The following FAM193A variants were observed in gnomAD, a reference collection of about 807,000 sequenced individuals.
FAM193A encodes family with sequence similarity 193 member A, also known as protein FAM193A.
A neutral mutation model predicts 126.5 loss-of-function variants in FAM193A; 22 were observed. That is an observed-to-expected ratio of 0.17 (90% confidence interval 0.12 to 0.25). The LOEUF (loss-of-function observed/expected upper bound fraction) is 0.25, where lower values mean the gene tolerates loss of function less well. Ranked by LOEUF, FAM193A falls within the 10% of genes least tolerant of loss-of-function variation. The probability of loss-of-function intolerance (pLI) is 1.00; values close to 1 mark genes in which losing one functional copy is unlikely to be tolerated. For missense variants in FAM193A, 1,675 were observed against 1,672.8 expected (o/e 1.00, Z -0.02); for synonymous variants, 761 against 646.8 (o/e 1.18, Z -2.68).
chr4:2,545,258 G>A (rs758589980), intron 1 of FAM193A, among the ~76,000 whole-genome samples: 2 of 152,222 alleles, frequency 1.3e-5, no homozygotes, highest in Non-Finnish European at 2.9e-5. Context: ...CTCCCAAAGT[G>A]CTGGGATTTC....
intron 19 of FAM193A, chr4:2,715,537 G>A (rs1719444417): frequency 2.2e-5 from 22 of 993,396 alleles, no homozygotes; most frequent in Non-Finnish European, 2.6e-5. Flanking sequence ...TAGGGTTGAT[G>A]TCTGGGTCCT....
At chr4:2,715,820 G>A (rs1309928724) in intron 19 of FAM193A, among the ~76,000 whole-genome samples, 2 of 152,228 alleles carry the variant, frequency 1.3e-5, no homozygotes, top group Non-Finnish European at 2.9e-5. Context: ...TTGCTTAGTG[G>A]ACATGTGAGT....
chr4:2,685,693 G>T (rs1359575568), intron 13 of FAM193A, among the ~76,000 whole-genome samples: 1 of 152,192 alleles, frequency 6.6e-6, no homozygotes, highest in African/African-American at 2.4e-5. Flanking sequence ...AACCTCTCAC[G>T]TGTGGGCCTC....
intron 19 of FAM193A, chr4:2,708,354 A>T: frequency 4.7e-6 from 1 of 212,004 alleles, no homozygotes; most frequent in South Asian, 4.7e-5. Context: ...ACAACTCCTG[A>T]CCTCAGGTGA....
intron 1 of FAM193A, among the ~76,000 whole-genome samples, chr4:2,550,117 A>G (rs1054696165): frequency 6.7e-6 from 1 of 149,768 alleles, no homozygotes; most frequent in African/African-American, 2.5e-5. Flanking sequence ...GCTCACTGCA[A>G]CCTCTGCCAC....
intron 18 of FAM193A, among the ~76,000 whole-genome samples, chr4:2,697,001 G>T (rs1717113240): frequency 6.6e-6 from 1 of 152,062 alleles, no homozygotes; most frequent in South Asian, 2.1e-4. Flanking sequence ...ACTGGGGCGG[G>T]GCACTTGGCA....
intron 20 of FAM193A, among the ~76,000 whole-genome samples, chr4:2,722,250 C>A (rs933045730): frequency 2.6e-5 from 4 of 152,050 alleles, no homozygotes; most frequent in Non-Finnish European, 5.9e-5. Flanking sequence ...AGTCTGCAGT[C>A]GACAAAACAG....
intron 20 of FAM193A, among the ~76,000 whole-genome samples, chr4:2,728,896 CTTTTT>C (rs34029424): frequency 1.0e-5 from 1 of 97,150 alleles, no homozygotes; most frequent in African/African-American, 5.2e-5. Flanking sequence ...ACCTCCAAAA[CTTTTT>C]TTTTTTTTTT....
At chr4:2,553,450 G>A (rs904354733) in intron 1 of FAM193A, among the ~76,000 whole-genome samples, 3 of 147,430 alleles carry the variant, frequency 2.0e-5, no homozygotes, top group Non-Finnish European at 4.5e-5. Flanking sequence ...GTGCGATTTC[G>A]GCTCACCGCA....
chr4:2,617,244 A>T (rs1175944336), intron 2 of FAM193A, among the ~76,000 whole-genome samples: 2 of 41,482 alleles, frequency 4.8e-5, no homozygotes, highest in African/African-American at 2.6e-4. Flanking sequence ...TTTTTATTAT[A>T]TATATATATA....
At chr4:2,618,905 A>AT (rs563496305) in intron 2 of FAM193A, among the ~76,000 whole-genome samples, 21 of 151,194 alleles carry the variant, frequency 1.4e-4, no homozygotes, top group South Asian at 1.0e-3. Context: ...CAATTTTTGT[A>AT]TTTTTTTGTA....
chr4:2,681,186 C>T (rs1241733175), intron 13 of FAM193A, among the ~76,000 whole-genome samples: 2 of 151,894 alleles, frequency 1.3e-5, no homozygotes, highest in African/African-American at 4.8e-5. Context: ...ATAATAATGT[C>T]CCCACTTTCA....
intron 2 of FAM193A, among the ~76,000 whole-genome samples, chr4:2,618,713 A>G (rs1742358075): frequency 6.8e-6 from 1 of 146,322 alleles, no homozygotes. Context: ...CTCCTGCCCC[A>G]GCCTCCTGAG....
intron 1 of FAM193A, among the ~76,000 whole-genome samples, chr4:2,572,251 C>G (rs1356570708): frequency 6.6e-6 from 1 of 151,232 alleles, no homozygotes; most frequent in Non-Finnish European, 1.5e-5. Flanking sequence ...ATCGCTTGAA[C>G]CTGGCAGGCA....
intron 18 of FAM193A, among the ~76,000 whole-genome samples, chr4:2,698,346 C>A (rs80241754): frequency 0.031 from 4,746 of 152,308 alleles, 225 homozygotes; most frequent in African/African-American, 0.11. Context: ...CAGCGAGTGT[C>A]CTGATGGAGT....
chr4:2,679,387 T>C (rs1322817813), intron 13 of FAM193A, among the ~76,000 whole-genome samples: 4 of 127,142 alleles, frequency 3.1e-5, no homozygotes, highest in African/African-American at 1.5e-4. Flanking sequence ...TTTTTTTTTT[T>C]TTTTTTTTTT....
chr4:2,679,533 C>T (rs541968108), intron 13 of FAM193A, among the ~76,000 whole-genome samples: 21 of 151,920 alleles, frequency 1.4e-4, no homozygotes, highest in African/African-American at 4.6e-4. Flanking sequence ...GCATGCACCA[C>T]GAGGCCCGGC....
At chr4:2,629,930 G>T (rs182221700) in intron 4 of FAM193A, among the ~76,000 whole-genome samples, 1 of 151,878 alleles carries the variant, frequency 6.6e-6, no homozygotes, top group Non-Finnish European at 1.5e-5. Context: ...CAGGAGATCG[G>T]GACCATCCTG....
At chr4:2,615,306 C>G (rs192325397) in intron 2 of FAM193A, 2 of 152,076 alleles carry the variant, frequency 1.3e-5, no homozygotes, top group Non-Finnish European at 2.9e-5. Flanking sequence ...TATTTGAGAC[C>G]TTTCTTCTTT....
Sources: gnomAD v4.1 joint callset for allele counts (sites outside exome capture counted in the v4.1 genomes callset) on GRCh38, gnomAD v4.1.1 for gene constraint, MANE v1.5 for transcripts, NCBI Gene and HGNC (gene_info 2026-07-23, HGNC 2026-07-21) for gene names.